IVD: variants seen among roughly 807,000 people sequenced by gnomAD.
IVD encodes isovaleryl-CoA dehydrogenase, mitochondrial.
Under a neutral mutation model 51.3 loss-of-function variants are expected in IVD, and 31 were observed. That is an observed-to-expected ratio of 0.60 (90% confidence interval 0.45 to 0.81). The LOEUF (loss-of-function observed/expected upper bound fraction) is 0.81, where lower values mean the gene tolerates loss of function less well. IVD is among the 40% of genes least tolerant of loss of function. The probability of loss-of-function intolerance (pLI) is 0.00; values close to 1 mark genes in which losing one functional copy is unlikely to be tolerated. For synonymous variants in IVD, 205 were observed against 219.4 expected (o/e 0.93, Z 0.58); for missense variants, 475 against 552.0 (o/e 0.86, Z 1.40).
At position 40,407,668 on chromosome 15, in the gene IVD, G is replaced by A; in HGVS notation, c.177G>A (p.Glu59=). ...AGACCATGGCTAAGTTCCTTCAGGA[G>A]CACCTGGCCCCCAAGGCCCAGGAGA... ...LRQTMAKFLQ[E]HLAPKAQEID... The change falls in exon 2 of 12, where the codon GAG becomes GAA. Residue 59 remains glutamate, a synonymous_variant. Transcript: ENST00000487418. 6.2e-7 allele frequency: 1 copy of A among 1,614,220 alleles called. No homozygotes were observed. Among genetic ancestry groups the A allele is most frequent in the South Asian group, 1.1e-5 (1 of 91,086 alleles).
At chr15:40,414,272 G>C (rs780569022) in intron 7 of IVD, 36 of 158,018 alleles carry the variant, frequency 2.3e-4, no homozygotes, top group Non-Finnish European at 3.9e-4. Flanking sequence ...TCCAGGGAGG[G>C]GGAGCTGTGC....
chr15:40,424,279 T>G, downstream of IVD: 1 of 935,560 alleles, frequency 1.1e-6, no homozygotes, highest in Non-Finnish European at 1.5e-6. Context: ...CCCCTTCTGC[T>G]GCTTCCCTCC....
At chr15:40,406,869 T>C (rs1293086588) in intron 1 of IVD, among the ~76,000 whole-genome samples, 2 of 150,992 alleles carry the variant, frequency 1.3e-5, no homozygotes, top group African/African-American at 2.4e-5. Context: ...TTTTTCTTTT[T>C]TTTTTTTTTT....
intron 11 of IVD, among the ~76,000 whole-genome samples, chr15:40,416,867 C>A (rs1006594369): frequency 1.3e-5 from 2 of 152,172 alleles, no homozygotes; most frequent in African/African-American, 4.8e-5. Flanking sequence ...GCAACACCCC[C>A]CTCTCATCCT....
At position 40,419,312 on chromosome 15, in the gene IVD, A is replaced by C. The variant is rs1595801440; in HGVS notation, c.*1049A>C. 2 of 1,024,736 alleles carry C rather than the reference A, an allele frequency of 2.0e-6. No homozygotes were observed. Among genetic ancestry groups the C allele is most frequent in the South Asian group, 2.7e-5 (2 of 75,052 alleles). 63.5% of individuals were successfully genotyped at this position (1,024,736 alleles called of 1,614,324 possible). ...GATCACTTGCAGTCAGGAGTTCAAGACCAGCCTGTCCAACGTGGTGAAACC... is the reference window on the plus strand; with the variant it reads ...GATCACTTGCAGTCAGGAGTTCAAGCCCAGCCTGTCCAACGTGGTGAAACC... On this transcript the variant is annotated 3_prime_UTR_variant, in exon 12 of 12. Transcript: ENST00000487418.
chr15:40,421,198 T>C lies in IVD; in HGVS notation c.*2935T>C, dbSNP rs968419293. On this transcript the variant is annotated 3_prime_UTR_variant, in exon 12 of 12. Transcript: ENST00000487418. ...GAGACAATGTGGCAAAATGGGGCGCTTCATCCAGTCTGTCTAAGCCCTGTC... is the reference window on the plus strand; with the variant it reads ...GAGACAATGTGGCAAAATGGGGCGCCTCATCCAGTCTGTCTAAGCCCTGTC... 7.1e-6 allele frequency: 7 copies of C among 985,354 alleles called. No individual in the cohort carries two copies. The African/African-American group carries it at 1.0e-4, about 15-fold the overall frequency. The allele number at this position is 985,354 out of a possible 1,614,324, so 61.0% of individuals were successfully genotyped here.
chr15:40,416,369 G>GATCC lies in IVD; in HGVS notation c.1138+8_1138+11dup. 1 of 1,613,416 alleles carries GATCC rather than the reference G, an allele frequency of 6.2e-7. No homozygotes were observed. The highest frequency in any genetic ancestry group is 8.5e-7 in the Non-Finnish European group (1 of 1,179,738). On this transcript the variant is annotated splice_region_variant and intron_variant, in intron 11 of 11. Transcript: ENST00000487418. ...GACGGCATTCAGTGTTTTGGTGAGT[G>GATCC]ATCCCCACTTCCCAGTCCCGGGGCT... is the stretch of plus-strand genomic sequence containing the variant.
rs1278356467 is a variant in IVD at position 40,421,149 on chromosome 15, T to C, written c.*2886T>C. 5.1e-6 allele frequency: 5 copies of C among 985,408 alleles called. No individual in the cohort carries two copies. Among genetic ancestry groups the C allele is most frequent in the Non-Finnish European group, 6.0e-6 (5 of 830,002 alleles). The allele number at this position is 985,408 out of a possible 1,614,324, so 61.0% of individuals were successfully genotyped here. A position where few individuals can be genotyped will look rare whatever the true frequency, so the allele number is the denominator to read the frequency against. The stretch of plus-strand genomic sequence containing the variant: ...TAAAAGGGCCATCTTGCTGGCTTAA[T>C]GTGTGGCTGGAGAGACCAGCCTGGA... On this transcript the variant is annotated 3_prime_UTR_variant, in exon 12 of 12. Coordinates refer to ENST00000487418, the MANE Select transcript of IVD (RefSeq NM_002225.5).
Position 40,410,755 on chromosome 15 carries a change from A to T in IVD, c.414A>T (p.Val138=). Residue 138 remains valine, a synonymous_variant, in exon 4 of 12, where the codon GTA becomes GTT. Transcript: ENST00000487418. The part of the protein sequence containing the change: ...AHSNLCINQL[V]RNGNEAQKEK... ...CCAACCTCTGCATCAACCAGCTTGTACGCAATGGGAATGAGGCCCAGAAAG... is the reference window on the plus strand; with the variant it reads ...CCAACCTCTGCATCAACCAGCTTGTTCGCAATGGGAATGAGGCCCAGAAAG... 1 of 1,614,206 alleles carries T rather than the reference A, an allele frequency of 6.2e-7. No homozygotes were observed. Among genetic ancestry groups the T allele is most frequent in the Non-Finnish European group, 8.5e-7 (1 of 1,180,036 alleles).
chr15:40,407,630 T>C lies in IVD; in HGVS notation c.145-6T>C. ...CAGTGGCATCTGTTTACCTCTCTCCTATTAGCTTCGTCAGACCATGGCTAA... is the reference window on the plus strand; with the variant it reads ...CAGTGGCATCTGTTTACCTCTCTCCCATTAGCTTCGTCAGACCATGGCTAA... On this transcript the variant is annotated splice_region_variant and splice_polypyrimidine_tract_variant and intron_variant, in intron 1 of 11. Transcript: ENST00000487418. 1 of 1,612,460 alleles carries C rather than the reference T, an allele frequency of 6.2e-7. No homozygotes were observed. Among genetic ancestry groups the C allele is most frequent in the Non-Finnish European group, 8.5e-7 (1 of 1,178,448 alleles).
rs775020440 is a variant in IVD at position 40,421,207 on chromosome 15, T to C, written c.*2944T>C. On this transcript the variant is annotated 3_prime_UTR_variant, in exon 12 of 12. Transcript: ENST00000487418. ...TGGCAAAATGGGGCGCTTCATCCAG[T>C]CTGTCTAAGCCCTGTCGACTTGGGG... The C allele has an allele frequency of 7.1e-6, 7 of 985,482 alleles. No homozygotes were observed. The highest frequency in any genetic ancestry group is 7.2e-6 in the Non-Finnish European group (6 of 829,950). The allele number at this position is 985,482 out of a possible 1,614,324, so 61.0% of individuals were successfully genotyped here.
At chr15:40,435,339 G>A (rs1266195399) in intron 8 of IVD, 1 of 948,714 alleles carries the variant, frequency 1.1e-6, no homozygotes, top group Non-Finnish European at 1.3e-6. Context: ...CGGGGAAAGA[G>A]ATGGTAGAGC....
Position 40,420,893 on chromosome 15 carries a change from G to A in IVD, c.*2630G>A, listed in dbSNP as rs28654574. 9.1e-3 allele frequency: 8,970 copies of A among 985,588 alleles called. 37 individuals are homozygous for A. The highest frequency in any genetic ancestry group is 0.01 in the Non-Finnish European group (8,397 of 830,050). The allele number at this position is 985,588 out of a possible 1,614,324, so 61.1% of individuals were successfully genotyped here. The stretch of plus-strand genomic sequence containing the variant: ...GTCTGGGTTGTTCCACCCCTTCCGA[G>A]TTCCAAAAAGAGGGAACTGGTTTTC... On this transcript the variant is annotated 3_prime_UTR_variant, in exon 12 of 12. Coordinates refer to ENST00000487418, the MANE Select transcript of IVD (RefSeq NM_002225.5).
At chr15:40,435,473 A>G in exon 9 of IVD, 1 of 1,251,692 alleles carries the variant, frequency 8.0e-7, no homozygotes, top group East Asian at 6.4e-5. Flanking sequence ...CCGAGGTCAG[A>G]CGTCCCTGGA....
intron 2 of IVD, 67 bp downstream of exon 2, chr15:40,407,792 A>G (rs1184321492): frequency 6.9e-7 from 1 of 1,458,134 alleles, no homozygotes. Flanking sequence ...TGCTGCCTGG[A>G]AGAGCTCACA....
At position 40,414,936 on chromosome 15, in the gene IVD, A is replaced by T. The variant is rs552272986; in HGVS notation, c.832A>T (p.Ser278Cys). ...GAATAAGGGTGTCTACGTGCTGATG[A>T]GTGGGCTGGACCTGGAGCGGCTGGT... Reference protein sequence around the residue: ...HENKGVYVLMSGLDLERLVLA... With the variant: ...HENKGVYVLMCGLDLERLVLA... Residue 278 changes from serine to cysteine, a missense_variant, in exon 8 of 12, where the codon AGT (serine) becomes TGT (cysteine). Ser to Cys is a moderately radical substitution (Grantham distance 112). Coordinates refer to ENST00000487418, the MANE Select transcript of IVD (RefSeq NM_002225.5). 6.2e-7 allele frequency: 1 copy of T among 1,614,130 alleles called. No individual in the cohort carries two copies. The highest frequency in any genetic ancestry group is 8.5e-7 in the Non-Finnish European group (1 of 1,180,026).
In IVD at chr15:40,420,376, A is replaced by T; in HGVS notation, c.*2113A>T. On this transcript the variant is annotated 3_prime_UTR_variant, in exon 12 of 12. Coordinates refer to ENST00000487418, the MANE Select transcript of IVD (RefSeq NM_002225.5). ...GCTGCCTGTGTACATTTCTCCAGATACCCTATGGCTAATTTTGTTATAACT... is the reference window on the plus strand; with the variant it reads ...GCTGCCTGTGTACATTTCTCCAGATTCCCTATGGCTAATTTTGTTATAACT... 1 of 987,562 alleles carries T rather than the reference A, an allele frequency of 1.0e-6. No homozygotes were observed. Among genetic ancestry groups the T allele is most frequent in the South Asian group, 4.7e-5 (1 of 21,380 alleles). The allele number at this position is 987,562 out of a possible 1,614,324, so 61.2% of individuals were successfully genotyped here.
intron 7 of IVD, 29 bp from the exon 8 acceptor site, chr15:40,414,860 C>T (rs1159042515): frequency 2.5e-6 from 4 of 1,613,578 alleles, no homozygotes; most frequent in African/African-American, 2.7e-5. Flanking sequence ...GGACAGCTCT[C>T]TCCCTCTGAC....
rs764744741 is a variant in IVD, at chr15:40,416,299, G to T, written c.1075G>T (p.Gly359Cys). The T allele has an allele frequency of 1.2e-6, 2 of 1,614,254 alleles. No homozygotes were observed. The highest frequency in any genetic ancestry group is 2.2e-5 in the South Asian group (2 of 91,086). Residue 359 changes from glycine (G) to cysteine (C), a missense_variant, in exon 11 of 12, where the codon GGT becomes TGT. By Grantham distance (159) the Gly-to-Cys change is radical. Coordinates refer to ENST00000487418, the MANE Select transcript of IVD (RefSeq NM_002225.5). ...CAGCTTCCTCCCGTAGGACTGTGCAGGTGTGATTCTTTACTCAGCTGAGTG... is the reference window on the plus strand; with the variant it reads ...CAGCTTCCTCCCGTAGGACTGTGCATGTGTGATTCTTTACTCAGCTGAGTG... Reference protein sequence around the residue: ...EGHCTAKDCAGVILYSAECAT... With the variant: ...EGHCTAKDCACVILYSAECAT...
Sources: allele counts gnomAD v4.1 joint callset (sites outside exome capture counted in the v4.1 genomes callset), GRCh38; gene constraint gnomAD v4.1.1; transcripts MANE v1.5; gene names NCBI Gene and HGNC (gene_info 2026-07-23, HGNC 2026-07-21).